DOCK4: variants seen among roughly 807,000 people sequenced by gnomAD.
DOCK4 encodes dedicator of cytokinesis 4.
In DOCK4, 97 loss-of-function variants were observed where a neutral mutation model predicts 268.1. The observed-to-expected ratio is 0.36, with a 90% CI of 0.31 to 0.43. The LOEUF (loss-of-function observed/expected upper bound fraction) is 0.43. Ranked by LOEUF, DOCK4 falls within the 20% of genes least tolerant of loss-of-function variation. The pLI is 1.00. For missense variants in DOCK4, 2,145 were observed against 2,455.7 expected (o/e 0.87, Z 2.67); for synonymous variants, 954 against 887.2 (o/e 1.08, Z -1.34).
Position 111,808,809 on chromosome 7 carries a change from T to C in DOCK4, c.3166+12A>G, listed in dbSNP as rs1586047833. ...CTGTATAGTAGATGTGGCTTCTCTTTTCCTCACTTACCTAGGTTTTGCCAC... is the reference window on the plus strand; with the variant it reads ...CTGTATAGTAGATGTGGCTTCTCTTCTCCTCACTTACCTAGGTTTTGCCAC... On this transcript the variant is annotated intron_variant, in intron 30 of 52. Transcript: ENST00000428084. 1 of 1,610,620 alleles carries C rather than the reference T, an allele frequency of 6.2e-7. No individual in the cohort carries two copies. Among genetic ancestry groups the C allele is most frequent in the East Asian group, 2.2e-5 (1 of 44,778 alleles).
At chr7:112,203,375 G>A (rs16873374) in intron 1 of DOCK4, among the ~76,000 whole-genome samples, 18,157 of 151,952 alleles carry the variant, frequency 0.12, 1,240 homozygotes, top group East Asian at 0.15. Flanking sequence ...TAAATGGGAC[G>A]GTGCCTATAC....
chr7:112,093,750 C>T (rs1255863124), intron 1 of DOCK4, among the ~76,000 whole-genome samples: 1 of 152,038 alleles, frequency 6.6e-6, no homozygotes, highest in African/African-American at 2.4e-5. Flanking sequence ...ACGTCTTACA[C>T]CCATCTAATA....
chr7:111,726,544 T>G lies in DOCK4; in HGVS notation c.*1730A>C, dbSNP rs1794662093. 1 of 152,548 alleles carries G rather than the reference T, an allele frequency of 6.6e-6. No individual in the cohort carries two copies. The highest frequency in any genetic ancestry group is 1.5e-5 in the Non-Finnish European group (1 of 68,028). 9.4% of individuals were successfully genotyped at this position (152,548 alleles called of 1,614,324 possible). A position where few individuals can be genotyped will look rare whatever the true frequency, so the allele number is the denominator to read the frequency against. On this transcript the variant is annotated 3_prime_UTR_variant, in exon 53 of 53. Transcript: ENST00000428084. ...TTCAAAAAATTTCTGACTGCAAAAC[T>G]TGCAAGATACAAAGCTAAAATGCAT... is the stretch of plus-strand genomic sequence containing the variant.
At chr7:111,896,484 A>C (rs1167537609) in intron 15 of DOCK4, among the ~76,000 whole-genome samples, 1 of 148,496 alleles carries the variant, frequency 6.7e-6, no homozygotes, top group East Asian at 2.0e-4. Context: ...TCTTTCCACC[A>C]AGGTTTTTTT....
At chr7:111,881,303 C>G (rs972204424) in intron 16 of DOCK4, among the ~76,000 whole-genome samples, 2 of 152,126 alleles carry the variant, frequency 1.3e-5, no homozygotes, top group African/African-American at 4.8e-5. Flanking sequence ...ACACACATGG[C>G]AAACAGGCAT....
intron 8 of DOCK4, among the ~76,000 whole-genome samples, chr7:111,958,616 C>T (rs1796620690): frequency 6.6e-6 from 1 of 152,174 alleles, no homozygotes; most frequent in Non-Finnish European, 1.5e-5. Flanking sequence ...TGAATAATCA[C>T]AGCTTAGAGT....
intron 35 of DOCK4, 46 bp from the exon 36 acceptor site, chr7:111,778,415 C>A (rs1368254282): frequency 1.9e-5 from 24 of 1,281,508 alleles, no homozygotes; most frequent in Non-Finnish European, 3.4e-6. Context: ...AACAATCTGG[C>A]CTACAATTAT....
At chr7:111,900,655 G>A (rs1031742749) in intron 14 of DOCK4, 119 bp from the exon 15 acceptor site, 17 of 1,055,760 alleles carry the variant, frequency 1.6e-5, no homozygotes, top group Admixed American at 2.6e-5. Flanking sequence ...AAATTACCTC[G>A]CTGGGCCTTT....
intron 1 of DOCK4, among the ~76,000 whole-genome samples, chr7:112,178,304 T>C (rs894840677): frequency 5.3e-5 from 8 of 152,228 alleles, no homozygotes; most frequent in Admixed American, 2.6e-4. Flanking sequence ...TTTCTTCTTA[T>C]TCAATTTTTA....
intron 13 of DOCK4, among the ~76,000 whole-genome samples, chr7:111,912,735 G>C (rs1361429144): frequency 6.6e-6 from 1 of 152,066 alleles, no homozygotes; most frequent in Admixed American, 6.5e-5. Context: ...AAATAGATAG[G>C]TATAGACAGA....
chr7:111,987,534 C>T (rs1799143502), intron 6 of DOCK4, among the ~76,000 whole-genome samples: 1 of 152,190 alleles, frequency 6.6e-6, no homozygotes. Flanking sequence ...CTCCAACGGA[C>T]CCCTCCCACT....
At chr7:111,732,438 A>C in intron 51 of DOCK4, 151 bp from the exon 52 acceptor site, 1 of 701,582 alleles carries the variant, frequency 1.4e-6, no homozygotes, top group South Asian at 1.8e-5. Context: ...GGAGAAGCTA[A>C]ATGATGCCTG....
intron 23 of DOCK4, among the ~76,000 whole-genome samples, chr7:111,855,588 C>A (rs537963640): frequency 6.6e-6 from 1 of 152,228 alleles, no homozygotes; most frequent in South Asian, 2.1e-4. Flanking sequence ...GAGGAGAGAT[C>A]TGGCCTAGAA....
intron 30 of DOCK4, among the ~76,000 whole-genome samples, chr7:111,804,297 T>A (rs1331480180): frequency 6.6e-6 from 1 of 152,226 alleles, no homozygotes; most frequent in Non-Finnish European, 1.5e-5. Flanking sequence ...CATGAATGAA[T>A]CTTGAGGACA....
intron 1 of DOCK4, among the ~76,000 whole-genome samples, chr7:112,070,869 G>A (rs894323389): frequency 1.3e-5 from 2 of 152,278 alleles, no homozygotes; most frequent in African/African-American, 4.8e-5. Flanking sequence ...TCAGGTGACC[G>A]TTTAAGAATC....
At chr7:112,071,655 G>T (rs1807594706) in intron 1 of DOCK4, among the ~76,000 whole-genome samples, 1 of 152,148 alleles carries the variant, frequency 6.6e-6, no homozygotes, top group Non-Finnish European at 1.5e-5. Context: ...TCTTCTGAAA[G>T]AAATACAAGT....
At chr7:111,742,308 A>G (rs1436425420) in intron 44 of DOCK4, among the ~76,000 whole-genome samples, 176 bp from the exon 45 acceptor site, 1 of 152,190 alleles carries the variant, frequency 6.6e-6, no homozygotes, top group Non-Finnish European at 1.5e-5. Flanking sequence ...GATCTGAAAA[A>G]TCCTGCATGG....
chr7:111,731,003 G>A (rs1795046541), intron 52 of DOCK4, among the ~76,000 whole-genome samples: 1 of 152,100 alleles, frequency 6.6e-6, no homozygotes, highest in South Asian at 2.1e-4. Context: ...CCATAGCAAC[G>A]TGTGGGAGCT....
chr7:112,062,958 T>A (rs990011769), intron 1 of DOCK4, among the ~76,000 whole-genome samples: 1 of 152,230 alleles, frequency 6.6e-6, no homozygotes, highest in Non-Finnish European at 1.5e-5. Flanking sequence ...ATTACAGGCC[T>A]GAGCCACCAT....
Sources: allele counts gnomAD v4.1 joint callset (sites outside exome capture counted in the v4.1 genomes callset), GRCh38; gene constraint gnomAD v4.1.1; transcripts MANE v1.5; gene names NCBI Gene and HGNC (gene_info 2026-07-23, HGNC 2026-07-21).